The following NCOR1 variants were observed in gnomAD, a reference collection of about 807,000 sequenced individuals.
NCOR1 encodes the protein nuclear receptor corepressor 1, also known as protein phosphatase 1, regulatory subunit 109.
A neutral mutation model predicts 288.1 loss-of-function variants in NCOR1; 63 were observed. That is an observed-to-expected ratio of 0.22 (90% CI 0.18 to 0.27). The LOEUF is 0.27. Among genes scored for constraint, NCOR1 ranks in the 10% least tolerant of loss-of-function variants. The pLI is 1.00. For missense variants in NCOR1, 2,397 were observed against 3,019.2 expected (o/e 0.79, Z 4.83); for synonymous variants, 1,007 against 1,065.9 (o/e 0.94, Z 1.08).
intron 5 of NCOR1, among the ~76,000 whole-genome samples, chr17:16,162,446 A>AG (rs531388991): frequency 6.1e-4 from 92 of 151,754 alleles, no homozygotes; most frequent in African/African-American, 2.0e-3. Context: ...CAGGAATATC[A>AG]GGTTGGACAG....
intron 5 of NCOR1, among the ~76,000 whole-genome samples, chr17:16,160,465 T>C (rs1372512074): frequency 1.3e-5 from 2 of 152,186 alleles, no homozygotes; most frequent in African/African-American, 4.8e-5. Context: ...AAGTCTAGTA[T>C]AGTCTATAGG....
At chr17:16,146,075 C>G (rs911627178) in intron 10 of NCOR1, among the ~76,000 whole-genome samples, 5 of 152,148 alleles carry the variant, frequency 3.3e-5, no homozygotes, top group African/African-American at 7.2e-5. Context: ...GATGTGCTTT[C>G]TTAAACAGAT....
chr17:16,060,576 G>T (rs867323166), intron 37 of NCOR1, among the ~76,000 whole-genome samples: 1 of 152,118 alleles, frequency 6.6e-6, no homozygotes, highest in African/African-American at 2.4e-5. Context: ...TCAGCAATGC[G>T]GTAGATATGA....
chr17:16,128,729 A>C (rs2075141581), intron 14 of NCOR1, among the ~76,000 whole-genome samples: 1 of 152,226 alleles, frequency 6.6e-6, no homozygotes, highest in Non-Finnish European at 1.5e-5. Context: ...AATTTTAAGA[A>C]AAATTTCCCT....
At chr17:16,214,161 C>T (rs772734865) in intron 1 of NCOR1, among the ~76,000 whole-genome samples, 2 of 152,168 alleles carry the variant, frequency 1.3e-5, no homozygotes, top group Non-Finnish European at 2.9e-5. Flanking sequence ...TAAAATTGGT[C>T]TGCTCCTGAG....
intron 3 of NCOR1, among the ~76,000 whole-genome samples, chr17:16,174,346 T>TTA (rs1452192391): frequency 1.3e-5 from 2 of 152,208 alleles, no homozygotes; most frequent in Non-Finnish European, 2.9e-5. Flanking sequence ...CCAGAGGTAA[T>TTA]CTACCCAAGT....
intron 19 of NCOR1, among the ~76,000 whole-genome samples, chr17:16,105,264 T>C (rs1485445833): frequency 6.6e-6 from 1 of 152,058 alleles, no homozygotes; most frequent in Non-Finnish European, 1.5e-5. Flanking sequence ...AATAAAAAAG[T>C]ACATTAGTCA....
chr17:16,043,419 C>A (rs949752740), intron 42 of NCOR1, among the ~76,000 whole-genome samples: 2 of 152,078 alleles, frequency 1.3e-5, no homozygotes, highest in African/African-American at 4.8e-5. Flanking sequence ...AAAAAAATCC[C>A]AGACTCTAAA....
At chr17:16,183,389 G>A (rs1207076989) in intron 3 of NCOR1, among the ~76,000 whole-genome samples, 2 of 150,550 alleles carry the variant, frequency 1.3e-5, no homozygotes, top group Non-Finnish European at 3.0e-5. Context: ...TAGAATAAAT[G>A]AATCCAGTAA....
chr17:16,126,671 G>A (rs2074109693), intron 14 of NCOR1, among the ~76,000 whole-genome samples: 1 of 152,096 alleles, frequency 6.6e-6, no homozygotes, highest in Non-Finnish European at 1.5e-5. Flanking sequence ...CTACTTAATG[G>A]AATATGTAAA....
At chr17:16,037,266 A>G (rs1473137798) in intron 44 of NCOR1, among the ~76,000 whole-genome samples, 2 of 152,198 alleles carry the variant, frequency 1.3e-5, no homozygotes, top group African/African-American at 4.8e-5. Flanking sequence ...GTCACTGATC[A>G]CCATCACAGA....
intron 14 of NCOR1, among the ~76,000 whole-genome samples, chr17:16,134,510 A>T (rs961839929): frequency 6.6e-6 from 1 of 152,222 alleles, no homozygotes; most frequent in Non-Finnish European, 1.5e-5. Context: ...ATTCTGAGAC[A>T]GGTACTTTGA....
chr17:16,190,852 C>T (rs977776141), intron 2 of NCOR1, among the ~76,000 whole-genome samples: 3 of 152,200 alleles, frequency 2.0e-5, no homozygotes, highest in African/African-American at 4.8e-5. Flanking sequence ...AGGGCTTGAT[C>T]GCTGAGAGAA....
chr17:16,158,383 T>C (rs1420457802), intron 6 of NCOR1, among the ~76,000 whole-genome samples: 2 of 152,208 alleles, frequency 1.3e-5, no homozygotes, highest in South Asian at 2.1e-4. Context: ...TGAAATGTTA[T>C]CAGTAGTCAG....
At chr17:16,041,557 GC>G (rs377594813) in intron 42 of NCOR1, among the ~76,000 whole-genome samples, 18 of 150,888 alleles carry the variant, frequency 1.2e-4, no homozygotes, top group East Asian at 3.9e-4. Context: ...GGGATTATAG[GC>G]CCCCCGCCAC....
chr17:16,170,109 G>C (rs1264113108), intron 4 of NCOR1, among the ~76,000 whole-genome samples: 4 of 145,282 alleles, frequency 2.8e-5, no homozygotes, highest in Non-Finnish European at 6.2e-5. Flanking sequence ...TTTGCTTTCT[G>C]TGTGTGTGTG....
chr17:16,040,897 A>T (rs2057435191), intron 42 of NCOR1: 1 of 189,498 alleles, frequency 5.3e-6, no homozygotes, highest in Admixed American at 5.7e-5. Context: ...AAATAAAAAA[A>T]GAAGCAGTGT....
intron 8 of NCOR1, among the ~76,000 whole-genome samples, chr17:16,150,254 A>G (rs1194838692): frequency 6.6e-6 from 1 of 152,088 alleles, no homozygotes; most frequent in African/African-American, 2.4e-5. Context: ...ACTAACAGTG[A>G]CACTGGCTCC....
rs1263494908 is a variant in NCOR1 at position 16,127,253 on chromosome 17, ATG to A, written c.1510-1049_1510-1048del. Among the ~76,000 whole-genome samples, 844 of 122,306 alleles carry A rather than the reference ATG, an allele frequency of 6.9e-3. 174 individuals carry two copies. The highest frequency in any genetic ancestry group is 0.021 in the East Asian group (101 of 4,870). 80.2% of individuals were successfully genotyped at this position (122,306 alleles called of 152,430 possible). A position where few individuals can be genotyped will look rare whatever the true frequency, so the allele number is the denominator to read the frequency against. Reference sequence around the variant, plus strand: ...CATGTATGCATATATGTATGTATATATGTGTGTGTATATATGTATGTATATAT... The same window carrying A: ...CATGTATGCATATATGTATGTATATATGTGTGTATATATGTATGTATATAT... On this transcript the variant is annotated intron_variant, in intron 14 of 45. Coordinates refer to ENST00000268712, the MANE Select transcript of NCOR1 (RefSeq NM_006311.4).
Sources: allele counts gnomAD v4.1 joint callset (sites outside exome capture counted in the v4.1 genomes callset), GRCh38; gene constraint gnomAD v4.1.1; transcripts MANE v1.5; gene names NCBI Gene and HGNC (gene_info 2026-07-23, HGNC 2026-07-21).